The following CDK13 variants were observed in gnomAD, a reference collection of about 807,000 sequenced individuals.
CDK13 encodes cyclin-dependent kinase 13.
In CDK13, 40 loss-of-function variants were observed where a neutral mutation model predicts 137.6. The observed-to-expected ratio is 0.29, with a 90% confidence interval of 0.23 to 0.38. The LOEUF (loss-of-function observed/expected upper bound fraction) is 0.38, where lower values mean the gene tolerates loss of function less well. Among genes scored for constraint, CDK13 ranks in the 10% least tolerant of loss-of-function variants. CDK13 has a pLI of 1.00. For synonymous variants in CDK13, 869 were observed against 760.1 expected (o/e 1.14, Z -2.36); for missense variants, 1,704 against 1,951.8 (o/e 0.87, Z 2.39).
chr7:40,045,031 C>T (rs962055841), intron 5 of CDK13, among the ~76,000 whole-genome samples: 4 of 152,032 alleles, frequency 2.6e-5, no homozygotes, highest in Non-Finnish European at 5.9e-5. Flanking sequence ...TTAAGAAAGA[C>T]TCCTTCTGTT....
At chr7:40,073,412 G>C (rs1225036707) in intron 9 of CDK13, among the ~76,000 whole-genome samples, 1 of 152,048 alleles carries the variant, frequency 6.6e-6, no homozygotes, top group Non-Finnish European at 1.5e-5. Flanking sequence ...GGCTGAGATG[G>C]GAGGATTGCT....
At chr7:40,013,245 A>G (rs1784933707) in intron 5 of CDK13, among the ~76,000 whole-genome samples, 1 of 152,182 alleles carries the variant, frequency 6.6e-6, no homozygotes, top group African/African-American at 2.4e-5. Flanking sequence ...GATGGTTACT[A>G]GGGGCTTAAG....
chr7:40,094,904 C>T lies in CDK13; in HGVS notation c.4463C>T (p.Pro1488Leu). 1 of 1,506,998 alleles carries T rather than the reference C, an allele frequency of 6.6e-7. No individual in the cohort carries two copies. Among genetic ancestry groups the T allele is most frequent in the South Asian group, 1.4e-5 (1 of 72,076 alleles). The allele number at this position is 1,506,998 out of a possible 1,614,324, so 93.4% of individuals were successfully genotyped here. A position where few individuals can be genotyped will look rare whatever the true frequency, so the allele number is the denominator to read the frequency against. Residue 1488 changes from proline to leucine, a missense_variant, in exon 14 of 14, where the codon CCT becomes CTT. Pro to Leu is a moderately conservative substitution (Grantham distance 98). Transcript: ENST00000181839. ...ACCTGGACTTCTCCTGCCCAAGGAC[C>T]TGGATATTCACAAGGATACAGGGGA... ...GQTWTSPAQGPGYSQGYRGHI... is the reference protein window; with the variant it reads ...GQTWTSPAQGLGYSQGYRGHI...
intron 2 of CDK13, among the ~76,000 whole-genome samples, chr7:39,991,337 G>T (rs1784450981): frequency 6.6e-6 from 1 of 152,206 alleles, no homozygotes; most frequent in African/African-American, 2.4e-5. Flanking sequence ...TAAATGTAAA[G>T]ATCACTTTAA....
At position 39,988,257 on chromosome 7, in the gene CDK13, A is replaced by G. The variant is rs17496275; in HGVS notation, c.1870A>G (p.Ser624Gly). The G allele has an allele frequency of 1.3e-4, 209 of 1,587,824 alleles. 1 individual carries two copies. In the Admixed American group the frequency reaches 3.9e-3, roughly 30 times the overall value. The change falls in exon 2 of 14, where the codon AGC becomes GGC. Residue 624 changes from serine to glycine, a missense_variant and splice_region_variant. Physicochemically the swap from Ser to Gly is moderately conservative, Grantham distance 56. Around this residue, in one of 5 missense-constraint regions of CDK13, gnomAD observed 1,051 missense variants for 931.0 expected, o/e 1.13. Transcript: ENST00000181839. The part of the protein sequence containing the change: ...PMLPEDKEAD[S>G]LRGNISVKAV... Reference sequence around the variant, plus strand: ...GCTGCCTGAAGATAAAGAAGCTGATAGGTAAGTGCAAAAAGTATTTGTCAA... The same window carrying G: ...GCTGCCTGAAGATAAAGAAGCTGATGGGTAAGTGCAAAAAGTATTTGTCAA...
At position 40,012,130 on chromosome 7, in the gene CDK13, CA is replaced by C. The variant is rs1268259097; in HGVS notation, c.2353+10101del. Among the ~76,000 whole-genome samples the C allele has an allele frequency of 2.0e-3, 298 of 152,320 alleles. 2 individuals carry two copies. In the East Asian group the frequency reaches 0.048, roughly 25 times the overall value. On this transcript the variant is annotated intron_variant, in intron 5 of 13. Transcript: ENST00000181839. ...GCTATTATAAAAAACAAAACACCAC[CA>C]ACAACAACAAAAAAAACCCTAGGAA...
chr7:39,974,785 A>G (rs963385662), intron 1 of CDK13, among the ~76,000 whole-genome samples: 1 of 151,992 alleles, frequency 6.6e-6, no homozygotes, highest in Admixed American at 6.6e-5. Flanking sequence ...GCTGGTCTCA[A>G]ACTCCTGACC....
At chr7:40,053,357 G>C (rs1176573124) in intron 7 of CDK13, among the ~76,000 whole-genome samples, 1 of 152,060 alleles carries the variant, frequency 6.6e-6, no homozygotes, top group Non-Finnish European at 1.5e-5. Context: ...TCCCGTTTTA[G>C]TTAAAGGTTT....
At chr7:40,027,672 T>G (rs980949440) in intron 5 of CDK13, among the ~76,000 whole-genome samples, 1 of 151,232 alleles carries the variant, frequency 6.6e-6, no homozygotes, top group Admixed American at 6.6e-5. Context: ...TTTTTTTTTT[T>G]TTTTTTGAGG....
chr7:40,040,630 A>G (rs1434445050), intron 5 of CDK13, among the ~76,000 whole-genome samples: 1 of 152,100 alleles, frequency 6.6e-6, no homozygotes, highest in Non-Finnish European at 1.5e-5. Flanking sequence ...CCTGCTATCC[A>G]TTTGCTCATG....
chr7:40,066,099 C>T (rs1052457642), intron 9 of CDK13, among the ~76,000 whole-genome samples: 6 of 152,198 alleles, frequency 3.9e-5, no homozygotes, highest in Middle Eastern at 3.4e-3. Flanking sequence ...CCGTACTACT[C>T]GTGAAGCTGA....
At chr7:39,992,952 A>G (rs1417988260) in intron 2 of CDK13, among the ~76,000 whole-genome samples, 1 of 152,144 alleles carries the variant, frequency 6.6e-6, no homozygotes, top group Non-Finnish European at 1.5e-5. Context: ...ACTAGTAGTG[A>G]TGTGATCACT....
chr7:40,024,546 A>G (rs1785199429), intron 5 of CDK13, among the ~76,000 whole-genome samples: 1 of 146,616 alleles, frequency 6.8e-6, no homozygotes, highest in Non-Finnish European at 1.5e-5. Context: ...AAAGAGTTCT[A>G]TTCAGGTTGG....
chr7:40,071,362 G>C (rs1203234656), intron 9 of CDK13: 2 of 152,098 alleles, frequency 1.3e-5, no homozygotes, highest in African/African-American at 2.4e-5. Flanking sequence ...AAAAGTTGTT[G>C]GAATGGCAGA....
intron 5 of CDK13, among the ~76,000 whole-genome samples, chr7:40,045,600 TA>T (rs201942463): frequency 1.9e-3 from 291 of 149,534 alleles, no homozygotes; most frequent in East Asian, 3.3e-3. Flanking sequence ...TTTTTTTTTT[TA>T]AAATCATAAC....
In CDK13 at chr7:39,951,726, A is replaced by G. The variant is rs748758733; in HGVS notation, c.1085A>G (p.Tyr362Cys). The G allele has an allele frequency of 7.4e-6, 11 of 1,479,588 alleles. No homozygotes were observed. Among genetic ancestry groups the G allele is most frequent in the African/African-American group, 5.9e-5 (4 of 67,584 alleles). 91.7% of individuals were successfully genotyped at this position (1,479,588 alleles called of 1,614,324 possible). Residue 362 changes from tyrosine (Y) to cysteine (C), a missense_variant, in exon 1 of 14, where the codon TAC becomes TGC. This residue lies in a region of CDK13 where 1,051 missense variants were observed against 931.0 expected (regional missense o/e 1.13). Coordinates refer to ENST00000181839, the MANE Select transcript of CDK13 (RefSeq NM_003718.5). The part of the protein sequence containing the change: ...SRRLPRSPSP[Y>C]SRRRSPSYSR... ...CGGCTGCCGCGCTCCCCGAGCCCCTACAGTCGCCGCCGCTCCCCCAGCTAC... is the reference window on the plus strand; with the variant it reads ...CGGCTGCCGCGCTCCCCGAGCCCCTGCAGTCGCCGCCGCTCCCCCAGCTAC...
At chr7:40,067,114 ATGTC>A in intron 9 of CDK13, 1 of 152,178 alleles carries the variant, frequency 6.6e-6, no homozygotes, top group South Asian at 2.1e-4. Context: ...TAACAACCCT[ATGTC>A]TTCTCTTTAT....
At chr7:40,090,481 G>A (rs1302167702) in intron 12 of CDK13, among the ~76,000 whole-genome samples, 3 of 152,188 alleles carry the variant, frequency 2.0e-5, no homozygotes, top group Admixed American at 6.5e-5. Flanking sequence ...AGACTCCAGA[G>A]TAACTGGGAT....
chr7:40,022,634 G>A (rs888786142), intron 5 of CDK13, among the ~76,000 whole-genome samples: 7 of 149,926 alleles, frequency 4.7e-5, no homozygotes, highest in African/African-American at 1.0e-4. Flanking sequence ...TGGGGTTAGG[G>A]GAATAGAGGA....
Sources: gnomAD v4.1 joint callset for allele counts (sites outside exome capture counted in the v4.1 genomes callset) on GRCh38, gnomAD v4.1.1 for gene constraint, gnomAD v4.1.1 regional missense constraint, MANE v1.5 for transcripts, NCBI Gene and HGNC (gene_info 2026-07-23, HGNC 2026-07-21) for gene names.